STK32C: variants seen among roughly 807,000 people sequenced by gnomAD.
STK32C encodes serine/threonine kinase 32C.
STK32C carries 31 observed loss-of-function variants against 56.5 expected under a neutral mutation model. The observed-to-expected ratio is 0.55, with a 90% confidence interval of 0.41 to 0.74. STK32C has a LOEUF of 0.74. Ranked by LOEUF, STK32C falls within the 30% of genes least tolerant of loss-of-function variation. The pLI is 0.00. For synonymous variants in STK32C, 309 were observed against 289.4 expected, an observed-to-expected ratio of 1.07 and a Z score of -0.69; for missense variants, 544 against 676.9, an observed-to-expected ratio of 0.80 and a Z score of 2.18.
At chr10:132,290,059 C>T (rs1197929652) in intron 1 of STK32C, among the ~76,000 whole-genome samples, 1 of 152,216 alleles carries the variant, frequency 6.6e-6, no homozygotes, top group African/African-American at 2.4e-5. Flanking sequence ...TCCGATTTGG[C>T]CACACCTGCC....
chr10:132,298,576 C>T (rs2065823343), intron 1 of STK32C, among the ~76,000 whole-genome samples: 1 of 150,124 alleles, frequency 6.7e-6, no homozygotes, highest in Admixed American at 6.6e-5. Flanking sequence ...TGTGGCTTCT[C>T]GCTCCTGCTC....
chr10:132,281,028 T>TGCACTCCGTGATCACGC (rs1564773564), intron 1 of STK32C, among the ~76,000 whole-genome samples: 60 of 128,814 alleles, frequency 4.7e-4, no homozygotes, highest in East Asian at 1.1e-3. Flanking sequence ...CGTGATCACG[T>TGCACTCCGTGATCACGC]CCCTGCACTC....
upstream of STK32C, among the ~76,000 whole-genome samples, chr10:132,311,253 C>T (rs1268933027): frequency 1.3e-5 from 2 of 152,210 alleles, no homozygotes; most frequent in African/African-American, 4.8e-5. The surrounding 1 kb of genome is among the most constrained non-coding windows in gnomAD (Gnocchi z 4.4). Flanking sequence ...TATTAAATCT[C>T]CTCAGATCAC....
intron 2 of STK32C, among the ~76,000 whole-genome samples, chr10:132,238,744 G>A (rs536836242): frequency 3.4e-4 from 52 of 152,280 alleles, no homozygotes; most frequent in African/African-American, 1.2e-3. Context: ...TGACATTAAA[G>A]CGTTGGAAAT....
At chr10:132,209,007 A>AC in intron 11 of STK32C, 27 bp downstream of exon 11, 2 of 1,381,804 alleles carry the variant, frequency 1.4e-6, no homozygotes, top group Non-Finnish European at 1.0e-6. Flanking sequence ...CTCTGCCACC[A>AC]CGCCCACCCA....
chr10:132,222,819 T>C, intron 9 of STK32C, 42 bp downstream of exon 9: 1 of 1,593,352 alleles, frequency 6.3e-7, no homozygotes, highest in Non-Finnish European at 8.5e-7. Flanking sequence ...GGACGCCACA[T>C]CCATCCCCAG....
intron 1 of STK32C, among the ~76,000 whole-genome samples, chr10:132,284,328 G>C (rs187004634): frequency 5.2e-5 from 2 of 38,218 alleles, no homozygotes; most frequent in Non-Finnish European, 1.2e-4. Flanking sequence ...GGTGAGGTTG[G>C]GGGGGCAGGT....
downstream of STK32C, among the ~76,000 whole-genome samples, chr10:132,319,191 C>T (rs570671924): frequency 4.6e-4 from 70 of 152,294 alleles, no homozygotes; most frequent in African/African-American, 1.6e-3. Context: ...TCAGGTGATC[C>T]GCCCACCTCG....
At position 132,225,226 on chromosome 10, in the gene STK32C, T is replaced by C; in HGVS notation, c.876+7A>G. On this transcript the variant is annotated splice_region_variant and intron_variant, in intron 7 of 11. Transcript: ENST00000298630. ...AGCCAAGCCCAGGGGCTGCAGGGGG[T>C]CCATACCCATCCTCGCAGCAGCTCA... The C allele has an allele frequency of 6.2e-7, 1 of 1,601,356 alleles. No homozygotes were observed. The highest frequency in any genetic ancestry group is 8.5e-7 in the Non-Finnish European group (1 of 1,173,754).
At chr10:132,231,537 C>A (rs2063100801) in intron 2 of STK32C, among the ~76,000 whole-genome samples, 1 of 152,252 alleles carries the variant, frequency 6.6e-6, no homozygotes, top group African/African-American at 2.4e-5. Context: ...CCTGGAGACC[C>A]TGGTGGAAAC....
Position 132,222,716 on chromosome 10 carries a change from G to C in STK32C, c.1176C>G (p.Ser392=). Residue 392 remains serine, a synonymous_variant, in exon 10 of 12, where the codon TCC becomes TCG. Transcript: ENST00000298630. ...GCTTCTTCTTCTTGTGCAGGGGCCT[G>C]GACTCCAGGATCATCTCCTCCAGCT... is the stretch of plus-strand genomic sequence containing the variant. The part of the protein sequence containing the change: ...TFELEEMILE[S]RPLHKKKKRL... 4 of 1,611,542 alleles carry C rather than the reference G, an allele frequency of 2.5e-6. No individual in the cohort carries two copies. Among genetic ancestry groups the C allele is most frequent in the Non-Finnish European group, 3.4e-6 (4 of 1,179,132 alleles).
At chr10:132,237,591 T>G (rs1335207959) in intron 2 of STK32C, among the ~76,000 whole-genome samples, 1 of 152,182 alleles carries the variant, frequency 6.6e-6, no homozygotes, top group Non-Finnish European at 1.5e-5. Flanking sequence ...GCTCCTGCAG[T>G]GGTGGCGGAG....
chr10:132,216,157 G>C (rs1372022077), intron 10 of STK32C, among the ~76,000 whole-genome samples: 1 of 152,154 alleles, frequency 6.6e-6, no homozygotes, highest in Non-Finnish European at 1.5e-5. Context: ...TTTGCAACCT[G>C]ACAATGCAAT....
At chr10:132,242,109 G>A (rs146381847) in intron 2 of STK32C, among the ~76,000 whole-genome samples, 3 of 149,230 alleles carry the variant, frequency 2.0e-5, no homozygotes, top group East Asian at 2.0e-4. Context: ...GACCCTGACT[G>A]AAAAAATGCT....
intron 1 of STK32C, among the ~76,000 whole-genome samples, chr10:132,247,697 G>C (rs1419219078): frequency 6.6e-6 from 1 of 152,178 alleles, no homozygotes; most frequent in Non-Finnish European, 1.5e-5. Flanking sequence ...GAGCACCTGG[G>C]GGTGAGGAAG....
intron 2 of STK32C, among the ~76,000 whole-genome samples, chr10:132,241,405 TAAC>T (rs900499348): frequency 2.0e-5 from 3 of 152,190 alleles, no homozygotes; most frequent in Admixed American, 6.5e-5. Flanking sequence ...AAGTTCCACG[TAAC>T]AACATGACAT....
chr10:132,294,604 C>T (rs779470388), intron 1 of STK32C, among the ~76,000 whole-genome samples: 2 of 152,180 alleles, frequency 1.3e-5, no homozygotes, highest in Admixed American at 6.5e-5. Flanking sequence ...TCTCGGGACA[C>T]GAACATGCAT....
intron 2 of STK32C, 144 bp from the exon 3 acceptor site, chr10:132,228,272 C>T (rs1287764353): frequency 4.7e-5 from 44 of 939,986 alleles, no homozygotes; most frequent in Middle Eastern, 2.4e-4. Flanking sequence ...CCTCTGCCTC[C>T]TAGACGCGGC....
At chr10:132,303,135 C>T (rs1022136875) in intron 1 of STK32C, among the ~76,000 whole-genome samples, 1 of 152,230 alleles carries the variant, frequency 6.6e-6, no homozygotes, top group African/African-American at 2.4e-5. Flanking sequence ...GCGCAGCCTG[C>T]CTGGGGCTCT....
Sources: gnomAD v4.1 joint callset for allele counts (sites outside exome capture counted in the v4.1 genomes callset) on GRCh38, gnomAD v4.1.1 for gene constraint, Gnocchi (gnomAD v3.1) non-coding constraint, MANE v1.5 for transcripts, NCBI Gene and HGNC (gene_info 2026-07-23, HGNC 2026-07-21) for gene names.